The following AKAP6 variants were observed in gnomAD, a reference collection of about 807,000 sequenced individuals.
AKAP6 encodes the protein A-kinase anchoring protein 6, also known as A-kinase anchor protein 6.
A neutral mutation model predicts 188.5 loss-of-function variants in AKAP6; 58 were observed. The ratio of observed to expected loss-of-function variants is 0.31; its 90% CI spans 0.25 to 0.38. AKAP6 has a LOEUF of 0.38. Ranked by LOEUF, AKAP6 falls within the 10% of genes least tolerant of loss-of-function variation. AKAP6 has a pLI of 1.00. For synonymous variants in AKAP6, 989 were observed against 998.6 expected (o/e 0.99, Z 0.18); for missense variants, 2,710 against 2,740.0 (o/e 0.99, Z 0.24).
intron 4 of AKAP6, among the ~76,000 whole-genome samples, chr14:32,571,654 A>AT (rs1353449455): frequency 6.6e-6 from 1 of 152,210 alleles, no homozygotes; most frequent in Non-Finnish European, 1.5e-5. Flanking sequence ...ATCATGCCTA[A>AT]TTTCTCTGTC....
At chr14:32,625,798 C>A (rs1594792558) in intron 7 of AKAP6, among the ~76,000 whole-genome samples, 1 of 152,104 alleles carries the variant, frequency 6.6e-6, no homozygotes. Flanking sequence ...CTGCTCCTGG[C>A]GTTTGTTGGA....
At chr14:32,783,497 T>C (rs763790921) in intron 12 of AKAP6, among the ~76,000 whole-genome samples, 1 of 151,810 alleles carries the variant, frequency 6.6e-6, no homozygotes, top group South Asian at 2.1e-4. Flanking sequence ...TAAAGCTGTT[T>C]AAAAAAAACA....
chr14:32,368,410 T>C (rs10140712), intron 1 of AKAP6, among the ~76,000 whole-genome samples: 4,793 of 152,180 alleles, frequency 0.031, 213 homozygotes, highest in African/African-American at 0.1. Flanking sequence ...AGACCAATAA[T>C]TGTTAGCTGT....
Position 32,836,372 on chromosome 14 carries a change from G to A in AKAP6, c.*6567G>A, listed in dbSNP as rs1452438852. ...ACAAGCTCCCTTGGGCCCCTTTTAC[G>A]AAAGCACTAATTCCATTCATGAAGA... On this transcript the variant is annotated 3_prime_UTR_variant, in exon 14 of 14. Coordinates refer to ENST00000280979, the MANE Select transcript of AKAP6 (RefSeq NM_004274.5). The A allele has an allele frequency of 2.0e-5, 3 of 152,050 alleles. No individual in the cohort carries two copies. The highest frequency in any genetic ancestry group is 2.9e-5 in the Non-Finnish European group (2 of 68,028). The allele number at this position is 152,050 out of a possible 1,614,324, so 9.4% of individuals were successfully genotyped here.
At chr14:32,496,875 A>G (rs766084864) in intron 2 of AKAP6, among the ~76,000 whole-genome samples, 4 of 152,194 alleles carry the variant, frequency 2.6e-5, no homozygotes, top group African/African-American at 4.8e-5. Context: ...TAATTGAAGT[A>G]TGAGAGCTGT....
At chr14:32,590,785 C>T (rs1029417538) in intron 5 of AKAP6, among the ~76,000 whole-genome samples, 16 of 152,126 alleles carry the variant, frequency 1.1e-4, no homozygotes, top group African/African-American at 3.1e-4. Context: ...ATGTTAACTC[C>T]GATATTTGAA....
At chr14:32,644,926 C>T (rs1352559050) in intron 7 of AKAP6, among the ~76,000 whole-genome samples, 1 of 152,146 alleles carries the variant, frequency 6.6e-6, no homozygotes, top group African/African-American at 2.4e-5. Flanking sequence ...TGGTCTTTGA[C>T]AGACTAACGG....
At position 32,578,980 on chromosome 14, in the gene AKAP6, G is replaced by A. The variant is rs562157078; in HGVS notation, c.2469+1738G>A. 7.4e-4 allele frequency among the ~76,000 whole-genome samples: 112 copies of A among 152,200 alleles called. 1 individual carries two copies. Among genetic ancestry groups the A allele is most frequent in the Admixed American group, 2.9e-3 (44 of 15,286 alleles). On this transcript the variant is annotated intron_variant, in intron 5 of 13. Coordinates refer to ENST00000280979, the MANE Select transcript of AKAP6 (RefSeq NM_004274.5). ...TTCACTGGAGCTTTTGGTGACGATG[G>A]AATATTCTATATTGCCCTCTCCTAT...
In AKAP6 at chr14:32,557,210, C is replaced by G. The variant is rs532073126; in HGVS notation, c.2346+10211C>G. Reference sequence around the variant, plus strand: ...TAGTTGATCTTCCCACCTCAGCCTACCCAGTAGCTGGGACTACAGGTACAC... The same window carrying G: ...TAGTTGATCTTCCCACCTCAGCCTAGCCAGTAGCTGGGACTACAGGTACAC... On this transcript the variant is annotated intron_variant, in intron 4 of 13. Coordinates refer to ENST00000280979, the MANE Select transcript of AKAP6 (RefSeq NM_004274.5). Among the ~76,000 whole-genome samples, 3 of 152,226 alleles carry G rather than the reference C, an allele frequency of 2.0e-5. No individual in the cohort carries two copies. The South Asian group carries it at 6.2e-4, about 32-fold the overall frequency.
At chr14:32,755,546 G>T in intron 11 of AKAP6, among the ~76,000 whole-genome samples, 1 of 151,206 alleles carries the variant, frequency 6.6e-6, no homozygotes, top group African/African-American at 2.4e-5. Context: ...ATTAATTTTT[G>T]AGACAGGATC....
At chr14:32,337,316 T>C (rs10137450) in intron 1 of AKAP6, among the ~76,000 whole-genome samples, 45,474 of 152,018 alleles carry the variant, frequency 0.3, 8,213 homozygotes, top group East Asian at 0.5. Context: ...AAGAAGAAAC[T>C]GAAGGATGCA....
intron 7 of AKAP6, among the ~76,000 whole-genome samples, chr14:32,626,845 G>A (rs1022810095): frequency 2.6e-4 from 39 of 152,070 alleles, no homozygotes; most frequent in African/African-American, 9.2e-4. Context: ...TAAGCTCCTT[G>A]AAGGCAGGAA....
At chr14:32,701,081 G>A (rs999987337) in intron 9 of AKAP6, among the ~76,000 whole-genome samples, 1 of 152,058 alleles carries the variant, frequency 6.6e-6, no homozygotes, top group Non-Finnish European at 1.5e-5. Flanking sequence ...CATGTCCTCT[G>A]TGTAAAAGGA....
intron 7 of AKAP6, among the ~76,000 whole-genome samples, chr14:32,676,547 C>G (rs2139632068): frequency 6.6e-6 from 1 of 152,226 alleles, no homozygotes; most frequent in South Asian, 2.1e-4. Flanking sequence ...GCTGAATGTA[C>G]TCCATATGAC....
chr14:32,367,115 C>G (rs538014155), intron 1 of AKAP6, among the ~76,000 whole-genome samples: 3 of 152,238 alleles, frequency 2.0e-5, no homozygotes, highest in Admixed American at 6.5e-5. Context: ...TGGTCTACTC[C>G]CCTGGACTGG....
intron 2 of AKAP6, among the ~76,000 whole-genome samples, chr14:32,446,514 A>T (rs1890760381): frequency 6.6e-6 from 1 of 152,126 alleles, no homozygotes. Flanking sequence ...TTCAAAAAAA[A>T]ATTTATTTTT....
At chr14:32,722,041 G>A (rs1377057834) in intron 9 of AKAP6, among the ~76,000 whole-genome samples, 1 of 152,080 alleles carries the variant, frequency 6.6e-6, no homozygotes, top group Non-Finnish European at 1.5e-5. Flanking sequence ...TGACCTCTGA[G>A]GTCAGATGGA....
At chr14:32,359,240 C>G (rs536184753) in intron 1 of AKAP6, among the ~76,000 whole-genome samples, 18 of 151,994 alleles carry the variant, frequency 1.2e-4, no homozygotes, top group Non-Finnish European at 1.6e-4. Flanking sequence ...CTGAGAGGAG[C>G]CTTTTCCAAA....
intron 7 of AKAP6, among the ~76,000 whole-genome samples, chr14:32,638,654 T>C (rs1483049101): frequency 6.6e-6 from 1 of 152,084 alleles, no homozygotes. Flanking sequence ...TCTTTCTCTT[T>C]CCCTCTCTTT....
Sources: gnomAD v4.1 joint callset for allele counts (sites outside exome capture counted in the v4.1 genomes callset) on GRCh38, gnomAD v4.1.1 for gene constraint, MANE v1.5 for transcripts, NCBI Gene and HGNC (gene_info 2026-07-23, HGNC 2026-07-21) for gene names.